Variants in GPHN observed in about 807,000 individuals in gnomAD.
The protein encoded by GPHN is gephyrin.
In GPHN, 17 loss-of-function variants were observed where a neutral mutation model predicts 95.5. That is an observed-to-expected ratio of 0.18 (90% CI 0.12 to 0.27). GPHN has a LOEUF of 0.27. GPHN is among the 10% of genes least tolerant of loss of function. GPHN has a pLI of 1.00. For missense variants in GPHN, 660 were observed against 978.1 expected (o/e 0.67, Z 4.34); for synonymous variants, 320 against 322.5 (o/e 0.99, Z 0.08).
At chr14:67,695,959 TCA>T in the GPHN span, 3 of 487,272 alleles carry the variant, frequency 6.2e-6, no homozygotes, top group Non-Finnish European at 1.1e-5. Context: ...CACCCAGCTC[TCA>T]GTTATTTTTT....
At chr14:67,065,380 A>G (rs112956893) in intron 11 of GPHN, among the ~76,000 whole-genome samples, 10,113 of 152,194 alleles carry the variant, frequency 0.066, 356 homozygotes, top group Middle Eastern at 0.085. Context: ...GAATACGTGC[A>G]ATGTGGTGCT....
chr14:67,417,191 C>T, the GPHN span, among the ~76,000 whole-genome samples: 1 of 152,184 alleles, frequency 6.6e-6, no homozygotes, highest in African/African-American at 2.4e-5. Flanking sequence ...CTATGCCACC[C>T]ATGTTACTGA....
At chr14:67,351,490 GA>G in the GPHN span, among the ~76,000 whole-genome samples, 1 of 152,126 alleles carries the variant, frequency 6.6e-6, no homozygotes. Flanking sequence ...TTGACCAAAG[GA>G]AAAACATTTT....
chr14:66,988,120 CCT>C lies in GPHN; in HGVS notation c.963+22798_963+22799del, dbSNP rs371946191. On this transcript the variant is annotated intron_variant, in intron 9 of 22. Coordinates refer to ENST00000478722, the MANE Select transcript of GPHN (RefSeq NM_020806.5). ...CTTTTTCCTTTCTGTCTCTTTTCCC[CCT>C]CTTTCTTTCTTTTCTAGCTGCGGCT... 3.0e-3 allele frequency among the ~76,000 whole-genome samples: 456 copies of C among 151,818 alleles called. 3 individuals carry two copies. Among genetic ancestry groups the C allele is most frequent in the African/African-American group, 0.011 (438 of 41,438 alleles).
chr14:67,576,558 A>C, the GPHN span: 1 of 857,040 alleles, frequency 1.2e-6, no homozygotes, highest in Non-Finnish European at 2.0e-6. This position sits in a 1 kb window ranked among gnomAD's most constrained non-coding sequence, Gnocchi z 4.0. Context: ...CTTGGTGACT[A>C]TTGGTCAAGA....
intron 3 of GPHN, among the ~76,000 whole-genome samples, chr14:66,801,258 A>G (rs992541045): frequency 6.6e-6 from 1 of 151,920 alleles, no homozygotes; most frequent in Non-Finnish European, 1.5e-5. Flanking sequence ...ATACTTGCAG[A>G]TGTTCATCTG....
chr14:67,353,044 T>C, the GPHN span: 4 of 1,596,876 alleles, frequency 2.5e-6, no homozygotes, highest in Non-Finnish European at 3.4e-6. Context: ...CTGTGCCCTA[T>C]ATAAACATAA....
chr14:66,833,804 C>G (rs2061680255), intron 4 of GPHN, among the ~76,000 whole-genome samples: 1 of 152,122 alleles, frequency 6.6e-6, no homozygotes, highest in Non-Finnish European at 1.5e-5. Context: ...GTCAATATTT[C>G]CCTTAGAATC....
At chr14:67,475,519 G>T in the GPHN span, among the ~76,000 whole-genome samples, 3 of 152,170 alleles carry the variant, frequency 2.0e-5, no homozygotes, top group Non-Finnish European at 2.9e-5. Flanking sequence ...CAATGTACAA[G>T]GGTTCCAATT....
chr14:66,694,880 G>A (rs1055511354), intron 2 of GPHN, among the ~76,000 whole-genome samples: 17 of 152,252 alleles, frequency 1.1e-4, no homozygotes, highest in East Asian at 3.9e-4. Context: ...ACCCTAGGCC[G>A]AGCGCAGTGG....
intron 11 of GPHN, among the ~76,000 whole-genome samples, chr14:67,065,276 G>A (rs533629561): frequency 6.6e-6 from 1 of 152,300 alleles, no homozygotes; most frequent in East Asian, 1.9e-4. Context: ...GTTCTAATTT[G>A]ATTGCACTGT....
chr14:66,985,824 C>A (rs1366921460), intron 9 of GPHN: 1 of 662,080 alleles, frequency 1.5e-6, no homozygotes, highest in Non-Finnish European at 2.5e-6. Flanking sequence ...AGGAAGGGGG[C>A]TTTTTCCATT....
At chr14:66,868,796 A>G (rs952817653) in intron 4 of GPHN, among the ~76,000 whole-genome samples, 25 of 152,166 alleles carry the variant, frequency 1.6e-4, no homozygotes, top group African/African-American at 5.8e-4. Context: ...TCAACAAGAT[A>G]CCTGAATTAC....
chr14:66,854,422 A>G (rs1224355601), intron 4 of GPHN, among the ~76,000 whole-genome samples: 2 of 152,234 alleles, frequency 1.3e-5, no homozygotes, highest in Admixed American at 1.3e-4. Flanking sequence ...TATTTTCCCA[A>G]TGAGAAGATC....
chr14:66,535,104 A>G (rs939250635), intron 1 of GPHN, among the ~76,000 whole-genome samples: 1 of 152,082 alleles, frequency 6.6e-6, no homozygotes, highest in Non-Finnish European at 1.5e-5. Context: ...TTGAAATTGT[A>G]TTACTTTCTT....
At chr14:67,613,846 CT>C in the GPHN span, 1 of 160,588 alleles carries the variant, frequency 6.2e-6, no homozygotes, top group African/African-American at 2.4e-5. Flanking sequence ...ACTGTGGCGC[CT>C]TGCTTTGGGG....
the GPHN span, among the ~76,000 whole-genome samples, chr14:67,409,293 C>T: frequency 6.6e-6 from 1 of 151,288 alleles, no homozygotes; most frequent in African/African-American, 2.4e-5. Context: ...CCTCTAATCT[C>T]AGCACTCTGG....
chr14:67,629,358 CAAAG>C, the GPHN span, among the ~76,000 whole-genome samples: 264 of 152,266 alleles, frequency 1.7e-3, 14 homozygotes, highest in South Asian at 0.054. Context: ...AGAAACAAAA[CAAAG>C]AAACCTGACA....
At chr14:67,167,867 T>C (rs1454786885) in intron 20 of GPHN, among the ~76,000 whole-genome samples, 1 of 152,200 alleles carries the variant, frequency 6.6e-6, no homozygotes, top group Non-Finnish European at 1.5e-5. Flanking sequence ...TAGATAATAA[T>C]GCCACACAAG....
Sources: allele counts gnomAD v4.1 joint callset (sites outside exome capture counted in the v4.1 genomes callset), GRCh38; gene constraint gnomAD v4.1.1; non-coding constraint Gnocchi (gnomAD v3.1); transcripts MANE v1.5; gene names NCBI Gene and HGNC (gene_info 2026-07-23, HGNC 2026-07-21).